ERC2: variants seen among roughly 807,000 people sequenced by gnomAD.
The protein encoded by ERC2 is ERC protein 2.
A neutral mutation model predicts 114.8 loss-of-function variants in ERC2; 42 were observed. The ratio of observed to expected loss-of-function variants is 0.37; its 90% CI spans 0.29 to 0.47. The LOEUF (loss-of-function observed/expected upper bound fraction) is 0.47, where lower values mean the gene tolerates loss of function less well. Ranked by LOEUF, ERC2 falls within the 20% of genes least tolerant of loss-of-function variation. The pLI, the probability that ERC2 is intolerant of heterozygous loss-of-function variation, is 0.99. For missense variants in ERC2, 939 were observed against 1,150.7 expected, an observed-to-expected ratio of 0.82 and a Z score of 2.66; for synonymous variants, 454 against 425.5, an observed-to-expected ratio of 1.07 and a Z score of -0.82.
intron 17 of ERC2, among the ~76,000 whole-genome samples, chr3:55,622,465 C>G (rs888644656): frequency 1.3e-5 from 2 of 152,034 alleles, no homozygotes; most frequent in South Asian, 2.1e-4. Context: ...ATAAAAAGTA[C>G]AACATCTACT....
chr3:55,789,053 T>G (rs1045887835), intron 14 of ERC2, among the ~76,000 whole-genome samples: 1 of 146,854 alleles, frequency 6.8e-6, no homozygotes, highest in Non-Finnish European at 1.5e-5. Context: ...ATTGTTTCTT[T>G]CTCTCTCAGC....
At chr3:56,010,152 G>C (rs2072803948) in intron 9 of ERC2, among the ~76,000 whole-genome samples, 1 of 152,122 alleles carries the variant, frequency 6.6e-6, no homozygotes, top group Admixed American at 6.5e-5. Flanking sequence ...TCATGGGCCT[G>C]TGAAAAATAC....
chr3:56,364,923 C>A (rs2059094116), intron 2 of ERC2, among the ~76,000 whole-genome samples: 1 of 152,170 alleles, frequency 6.6e-6, no homozygotes, highest in Non-Finnish European at 1.5e-5. Flanking sequence ...AATGATGCAA[C>A]CAGGGACTCT....
chr3:55,737,405 C>T (rs1182770023), intron 14 of ERC2, among the ~76,000 whole-genome samples: 5 of 152,224 alleles, frequency 3.3e-5, no homozygotes, highest in African/African-American at 1.2e-4. Flanking sequence ...TTGCGGCTCC[C>T]AGCCAGTGCA....
At chr3:56,149,965 A>G (rs1037332156) in intron 4 of ERC2, among the ~76,000 whole-genome samples, 1 of 152,222 alleles carries the variant, frequency 6.6e-6, no homozygotes, top group South Asian at 2.1e-4. Context: ...GGTAACCAAA[A>G]CAAAACAAAA....
At chr3:56,291,345 A>G (rs528358775) in intron 3 of ERC2, among the ~76,000 whole-genome samples, 27 of 152,336 alleles carry the variant, frequency 1.8e-4, no homozygotes, top group Admixed American at 1.7e-3. Context: ...CATCAGTTGG[A>G]GTTCCTGCGC....
intron 2 of ERC2, among the ~76,000 whole-genome samples, chr3:56,327,038 G>T (rs910056177): frequency 6.6e-6 from 1 of 152,200 alleles, no homozygotes; most frequent in South Asian, 2.1e-4. Flanking sequence ...CTACAAAGAG[G>T]ATGCTGCTGT....
At chr3:55,814,360 C>T (rs571060403) in intron 14 of ERC2, among the ~76,000 whole-genome samples, 19 of 152,248 alleles carry the variant, frequency 1.2e-4, no homozygotes, top group African/African-American at 4.1e-4. Context: ...AAAACCAAGA[C>T]GAGTCAAGTT....
At chr3:56,404,954 G>T (rs150137915) in intron 2 of ERC2, among the ~76,000 whole-genome samples, 1 of 152,282 alleles carries the variant, frequency 6.6e-6, no homozygotes, top group East Asian at 1.9e-4. Flanking sequence ...GTACTGGTTT[G>T]ATGGATGGAT....
At chr3:56,395,002 C>G (rs1317409332) in intron 2 of ERC2, among the ~76,000 whole-genome samples, 2 of 151,290 alleles carry the variant, frequency 1.3e-5, no homozygotes, top group Non-Finnish European at 2.9e-5. Context: ...AGAACAGATA[C>G]ATGCTCTAAC....
At chr3:56,377,852 CAAAAAAA>C (rs113903383) in intron 2 of ERC2, among the ~76,000 whole-genome samples, 1 of 133,874 alleles carries the variant, frequency 7.5e-6, no homozygotes, top group Non-Finnish European at 1.6e-5. Context: ...ACCCTATCTC[CAAAAAAA>C]AAAACAAAAA....
chr3:55,970,963 TAAAC>T (rs1014254386), intron 12 of ERC2, among the ~76,000 whole-genome samples: 1 of 152,110 alleles, frequency 6.6e-6, no homozygotes, highest in African/African-American at 2.4e-5. Flanking sequence ...GATGAAAAGA[TAAAC>T]AAAATGTGGT....
At chr3:56,312,494 T>A (rs543912013) in intron 2 of ERC2, among the ~76,000 whole-genome samples, 6 of 152,262 alleles carry the variant, frequency 3.9e-5, no homozygotes, top group African/African-American at 1.2e-4. Flanking sequence ...CTTCCCAACA[T>A]ATAAAAATAA....
intron 6 of ERC2, among the ~76,000 whole-genome samples, chr3:56,116,948 C>T (rs1159402559): frequency 6.6e-6 from 1 of 152,212 alleles, no homozygotes; most frequent in East Asian, 1.9e-4. Flanking sequence ...TTTTCACCTG[C>T]ATCCTATTAC....
intron 3 of ERC2, among the ~76,000 whole-genome samples, chr3:56,205,051 C>A (rs1413127766): frequency 6.6e-6 from 1 of 152,030 alleles, no homozygotes; most frequent in East Asian, 1.9e-4. Flanking sequence ...TTTTAACACT[C>A]CATAAAACTC....
At chr3:55,643,230 AT>A (rs566967985) in intron 17 of ERC2, among the ~76,000 whole-genome samples, 38 of 152,210 alleles carry the variant, frequency 2.5e-4, no homozygotes, top group South Asian at 8.3e-4. Context: ...GCAACTTAAA[AT>A]TTTTTTTAAA....
At chr3:56,239,161 T>C (rs1012506626) in intron 3 of ERC2, among the ~76,000 whole-genome samples, 3 of 152,098 alleles carry the variant, frequency 2.0e-5, no homozygotes, top group Admixed American at 2.0e-4. Context: ...TTCTAAAATA[T>C]ACAAAGGGAA....
At chr3:56,170,598 T>TG (rs2082595799) in intron 4 of ERC2, among the ~76,000 whole-genome samples, 1 of 135,122 alleles carries the variant, frequency 7.4e-6, no homozygotes, top group African/African-American at 2.7e-5. Flanking sequence ...TTTTTTTTTT[T>TG]TTTTTTTTTT....
intron 14 of ERC2, among the ~76,000 whole-genome samples, chr3:55,821,849 C>A (rs1575715236): frequency 6.6e-6 from 1 of 152,220 alleles, no homozygotes; most frequent in South Asian, 2.1e-4. Context: ...CAGTAGATTA[C>A]CATAGGCTGG....
Sources: gnomAD v4.1 joint callset for allele counts (sites outside exome capture counted in the v4.1 genomes callset) on GRCh38, gnomAD v4.1.1 for gene constraint, MANE v1.5 for transcripts, NCBI Gene and HGNC (gene_info 2026-07-23, HGNC 2026-07-21) for gene names.